The following CNBD2 variants were observed in gnomAD, a reference collection of about 807,000 sequenced individuals.
The protein encoded by CNBD2 is cyclic nucleotide-binding domain-containing protein 2.
A neutral mutation model predicts 63.7 loss-of-function variants in CNBD2; 64 were observed. The observed-to-expected ratio is 1.00, with a 90% CI of 0.82 to 1.24. The LOEUF (loss-of-function observed/expected upper bound fraction) is 1.24, where lower values mean the gene tolerates loss of function less well. Ranked by LOEUF, CNBD2 falls within the 50% of genes most tolerant of loss-of-function variation. The pLI is 0.00. For missense variants in CNBD2, 691 were observed against 713.5 expected, an observed-to-expected ratio of 0.97 and a Z score of 0.36; for synonymous variants, 229 against 255.4, an observed-to-expected ratio of 0.90 and a Z score of 0.99.
chr20:35,976,130 TG>T, intron 3 of CNBD2, 128 bp downstream of exon 3: 4 of 763,152 alleles, frequency 5.2e-6, no homozygotes, highest in South Asian at 5.1e-5. Flanking sequence ...CTTGTCACCC[TG>T]GGTTGGCCAC....
intron 2 of CNBD2, among the ~76,000 whole-genome samples, chr20:35,963,160 G>A (rs929609969): frequency 2.0e-5 from 3 of 150,392 alleles, no homozygotes; most frequent in Admixed American, 6.6e-5. Context: ...CCTGGGCAAC[G>A]TAGTGAGACC....
intron 3 of CNBD2, among the ~76,000 whole-genome samples, chr20:35,977,943 T>A (rs1393090925): frequency 6.6e-6 from 1 of 152,220 alleles, no homozygotes; most frequent in Non-Finnish European, 1.5e-5. Flanking sequence ...AGCATTTGGA[T>A]TCTGATGGAC....
At chr20:36,009,605 G>A (rs1425204486) in intron 9 of CNBD2, among the ~76,000 whole-genome samples, 3 of 152,130 alleles carry the variant, frequency 2.0e-5, no homozygotes, top group Non-Finnish European at 4.4e-5. Context: ...GCTGAAGCGG[G>A]CGGATTGCCT....
At chr20:35,960,563 G>A (rs997239345) in intron 2 of CNBD2, among the ~76,000 whole-genome samples, 2 of 152,156 alleles carry the variant, frequency 1.3e-5, no homozygotes, top group Non-Finnish European at 2.9e-5. Context: ...ATGTTGCCCA[G>A]GCTGGCCTCA....
chr20:36,001,487 CG>C (rs1261693039), intron 8 of CNBD2, among the ~76,000 whole-genome samples: 1 of 128,482 alleles, frequency 7.8e-6, no homozygotes. Context: ...GCTGGCCGGG[CG>C]GGGGGCTGAC....
chr20:36,021,777 G>A (rs770543997), intron 10 of CNBD2, among the ~76,000 whole-genome samples: 1 of 152,176 alleles, frequency 6.6e-6, no homozygotes, highest in Admixed American at 6.5e-5. Context: ...TCCTTAAAAA[G>A]CGGATTGCAC....
At chr20:35,957,480 T>C (rs556712630), downstream of CNBD2, among the ~76,000 whole-genome samples, 1 of 152,210 alleles carries the variant, frequency 6.6e-6, no homozygotes, top group South Asian at 2.1e-4. Context: ...CTCAGCACTT[T>C]AGAAGGCTTG....
At chr20:36,025,037 G>T (rs981784962) in intron 11 of CNBD2, among the ~76,000 whole-genome samples, 1 of 152,158 alleles carries the variant, frequency 6.6e-6, no homozygotes, top group East Asian at 1.9e-4. Flanking sequence ...ACACTAAGGG[G>T]ATAGTTTATA....
rs1247750405 is a variant in CNBD2, at chr20:36,023,710, C to T, written c.1378C>T (p.Leu460=). 2 of 1,613,584 alleles carry T rather than the reference C, an allele frequency of 1.2e-6. No individual in the cohort carries two copies. The highest frequency in any genetic ancestry group is 1.3e-5 in the African/African-American group (1 of 74,860). The change falls in exon 11 of 12, where the codon CTG becomes TTG. Residue 460 remains leucine, a synonymous_variant. Coordinates refer to ENST00000373973, the MANE Select transcript of CNBD2 (RefSeq NM_001365709.1). ...GATAAGGAAGGAAATATTTTATGAA[C>T]TGATTGACAATGATGACGAGATGAT... is the stretch of plus-strand genomic sequence containing the variant. ...IRIRKEIFYE[L]IDNDDEMIKK...
At chr20:35,961,678 T>G (rs962893963) in intron 2 of CNBD2, among the ~76,000 whole-genome samples, 1 of 152,210 alleles carries the variant, frequency 6.6e-6, no homozygotes, top group Non-Finnish European at 1.5e-5. Flanking sequence ...AGTGAGTTCT[T>G]CTGGACAAGC....
In CNBD2 at chr20:36,008,302, T is replaced by C. The variant is rs1267295371; in HGVS notation, c.976T>C (p.Ser326Pro). Residue 326 changes from serine to proline, a missense_variant, in exon 9 of 12, where the codon TCT becomes CCT. Physicochemically the swap from Ser to Pro is moderately conservative, Grantham distance 74. Coordinates refer to ENST00000373973, the MANE Select transcript of CNBD2 (RefSeq NM_001365709.1). ...TCCTGTGCTTTCTCTAACAGAATAC[T>C]CTCCTATGGAAAGATTTAAGGAATT... ...RPLKTHLSEY[S>P]PMERFKEFQI... is the part of the protein sequence containing the mutation. The C allele has an allele frequency of 3.7e-6, 6 of 1,607,160 alleles. No individual in the cohort carries two copies. The highest frequency in any genetic ancestry group is 1.3e-5 in the African/African-American group (1 of 74,292).
chr20:35,954,439 G>A, upstream of CNBD2: 4 of 1,549,822 alleles, frequency 2.6e-6, no homozygotes, highest in Non-Finnish European at 2.6e-6. Flanking sequence ...GAGAGTGTGC[G>A]GAGCTTACCT....
chr20:35,970,780 A>G (rs1284071561), intron 1 of CNBD2, among the ~76,000 whole-genome samples: 2 of 152,072 alleles, frequency 1.3e-5, no homozygotes, highest in East Asian at 1.9e-4. Context: ...CAGTGGCACG[A>G]TCATAGCTCA....
intron 4 of CNBD2, 37 bp downstream of exon 4, chr20:35,980,659 G>A (rs1188637132): frequency 6.2e-7 from 1 of 1,603,818 alleles, no homozygotes; most frequent in South Asian, 1.1e-5. Context: ...ACCAGGCTGA[G>A]GCTGGACTGA....
chr20:35,956,660 G>C (rs2147160164), downstream of CNBD2, among the ~76,000 whole-genome samples: 1 of 152,346 alleles, frequency 6.6e-6, no homozygotes, highest in South Asian at 2.1e-4. Context: ...CCCCTCAGTA[G>C]TTGGGTTTGC....
chr20:36,013,777 G>A (rs2057095926), intron 10 of CNBD2, among the ~76,000 whole-genome samples: 1 of 152,172 alleles, frequency 6.6e-6, no homozygotes, highest in South Asian at 2.1e-4. Context: ...GGAATATATA[G>A]AAAGCAGGGG....
At chr20:35,971,833 C>T (rs1192654820) in intron 1 of CNBD2, among the ~76,000 whole-genome samples, 3 of 152,066 alleles carry the variant, frequency 2.0e-5, no homozygotes, top group Non-Finnish European at 4.4e-5. Flanking sequence ...TTTTTTTCAT[C>T]ATGAAATTGA....
intron 8 of CNBD2, among the ~76,000 whole-genome samples, chr20:36,002,224 G>A (rs934695316): frequency 1.3e-5 from 2 of 151,424 alleles, no homozygotes; most frequent in Non-Finnish European, 1.5e-5. Flanking sequence ...GCGAAACCCC[G>A]TCTCCACCAA....
upstream of CNBD2, among the ~76,000 whole-genome samples, chr20:35,967,336 G>T (rs1317609144): frequency 7.3e-6 from 1 of 137,018 alleles, no homozygotes; most frequent in Admixed American, 8.5e-5. Context: ...TGCAACCTCT[G>T]CCTCCCGGGT....
Sources: gnomAD v4.1 joint callset for allele counts (sites outside exome capture counted in the v4.1 genomes callset) on GRCh38, gnomAD v4.1.1 for gene constraint, MANE v1.5 for transcripts, NCBI Gene and HGNC (gene_info 2026-07-23, HGNC 2026-07-21) for gene names.